ARHGEF1: variants seen among roughly 807,000 people sequenced by gnomAD.
ARHGEF1 encodes 115 kDa guanine nucleotide exchange factor.
Under a neutral mutation model 119.7 loss-of-function variants are expected in ARHGEF1, and 40 were observed. That is an observed-to-expected ratio of 0.33 (90% confidence interval 0.26 to 0.44). The LOEUF (loss-of-function observed/expected upper bound fraction) is 0.44, where lower values mean the gene tolerates loss of function less well. ARHGEF1 is among the 20% of genes least tolerant of loss of function. The pLI is 1.00. For missense variants in ARHGEF1, 976 were observed against 1,268.3 expected (o/e 0.77, Z 3.50); for synonymous variants, 494 against 521.0 (o/e 0.95, Z 0.71).
rs1555847072 is a variant in ARHGEF1, at chr19:41,894,460, A to T, written c.754A>T (p.Asn252Tyr). The change falls in exon 10 of 29, where the codon AAC becomes TAC. Residue 252 changes from asparagine (N) to tyrosine (Y), a missense_variant. Asn to Tyr is a moderately radical substitution (Grantham distance 143). Transcript: ENST00000354532. ...CCCCGCCCTCTCACAGGTGATGGGG[A>T]ACCGGCGGTCGGACGAGCCTGCCAA... is the stretch of plus-strand genomic sequence containing the variant. ...RNFFRKKVMG[N>Y]RRSDEPAKTK... is the part of the protein sequence containing the mutation. The T allele has an allele frequency of 6.4e-7, 1 of 1,561,834 alleles. No individual in the cohort carries two copies. The highest frequency in any genetic ancestry group is 1.2e-5 in the South Asian group (1 of 82,118).
downstream of ARHGEF1, chr19:41,908,796 C>T (rs1180251788): frequency 1.8e-5 from 9 of 504,266 alleles, no homozygotes; most frequent in Non-Finnish European, 2.8e-5. The surrounding 1 kb of genome is among the most constrained non-coding windows in gnomAD (Gnocchi z 6.7). Flanking sequence ...TGGCATCTTA[C>T]CCCCTCATAC....
chr19:41,895,218 G>T, intron 11 of ARHGEF1, 131 bp from the exon 12 acceptor site: 1 of 1,246,514 alleles, frequency 8.0e-7, no homozygotes, highest in Non-Finnish European at 1.1e-6. Flanking sequence ...AGGGCTCCTG[G>T]GTCTGAGGGA....
chr19:41,927,019 A>G (rs1175616452), intron 1 of ARHGEF1, among the ~76,000 whole-genome samples: 2 of 152,266 alleles, frequency 1.3e-5, no homozygotes, highest in East Asian at 3.9e-4. Context: ...GAAGAGACAC[A>G]GGGAGAGATA....
At position 41,894,292 on chromosome 19, in the gene ARHGEF1, T is replaced by C. The variant is rs1555847035; in HGVS notation, c.730T>C (p.Phe244Leu). The C allele has an allele frequency of 6.4e-7, 1 of 1,560,772 alleles. No homozygotes were observed. Among genetic ancestry groups the C allele is most frequent in the Non-Finnish European group, 8.7e-7 (1 of 1,148,734 alleles). Reference sequence around the variant, plus strand: ...TGGAGACAAGAAGTCGGGGAGGAACTTCTTCCGGAAAAAGGTGCTTCCCTC... The same window carrying C: ...TGGAGACAAGAAGTCGGGGAGGAACCTCTTCCGGAAAAAGGTGCTTCCCTC... ...KSGDKKSGRNFFRKKVMGNRR... is the reference protein window; with the variant it reads ...KSGDKKSGRNLFRKKVMGNRR... Residue 244 changes from phenylalanine (F) to leucine (L), a missense_variant, in exon 9 of 29, where the codon TTC (phenylalanine) becomes CTC (leucine). Phe to Leu is a conservative substitution (Grantham distance 22, BLOSUM62 0). Transcript: ENST00000354532.
chr19:41,894,314 C>T lies in ARHGEF1; in HGVS notation c.744+8C>T. ...AACTTCTTCCGGAAAAAGGTGCTTCCCTCAGTGCCCCGTCCTGACCCTTTC... is the reference window on the plus strand; with the variant it reads ...AACTTCTTCCGGAAAAAGGTGCTTCTCTCAGTGCCCCGTCCTGACCCTTTC... On this transcript the variant is annotated splice_region_variant and intron_variant, in intron 9 of 28. Transcript: ENST00000354532. The T allele has an allele frequency of 6.5e-7, 1 of 1,545,032 alleles. No homozygotes were observed. Among genetic ancestry groups the T allele is most frequent in the Non-Finnish European group, 8.8e-7 (1 of 1,140,948 alleles).
chr19:41,884,443 G>C, intron 1 of ARHGEF1: 1 of 1,605,118 alleles, frequency 6.2e-7, no homozygotes, highest in Non-Finnish European at 8.5e-7. Context: ...GCCCGAGCGC[G>C]GAGGCTTCGG....
intron 18 of ARHGEF1, among the ~76,000 whole-genome samples, chr19:41,915,056 C>A (rs1387330172): frequency 9.1e-6 from 1 of 109,524 alleles, no homozygotes; most frequent in Non-Finnish European, 1.9e-5. Flanking sequence ...CCCGCTCCCC[C>A]ACACCTCTCC....
chr19:41,909,517 G>C (rs1350122124), downstream of ARHGEF1: 2 of 1,241,902 alleles, frequency 1.6e-6, no homozygotes, highest in Non-Finnish European at 2.0e-6. This position sits in a 1 kb window ranked among gnomAD's most constrained non-coding sequence, Gnocchi z 5.2. Context: ...GGGAGCCCTG[G>C]GGCGGGATCT....
At chr19:41,915,295 G>A (rs138732381) in intron 18 of ARHGEF1, among the ~76,000 whole-genome samples, 1,647 of 151,400 alleles carry the variant, frequency 0.011, 20 homozygotes, top group Non-Finnish European at 0.014. Flanking sequence ...TCTCACACGC[G>A]TCTCTGCCAT....
At chr19:41,896,348 CAG>C in intron 12 of ARHGEF1, 27 bp from the exon 13 acceptor site, 2 of 1,265,116 alleles carry the variant, frequency 1.6e-6, no homozygotes, top group South Asian at 2.7e-5. Context: ...AGAGGCCTTC[CAG>C]CCAGCCCTGC....
chr19:41,884,407 G>A (rs2074261632), intron 1 of ARHGEF1: 1 of 1,595,758 alleles, frequency 6.3e-7, no homozygotes, highest in Non-Finnish European at 8.5e-7. Context: ...AGAGCGACGC[G>A]GCGGCAGGGG....
At chr19:41,925,359 G>C (rs559818883) in intron 1 of ARHGEF1, among the ~76,000 whole-genome samples, 1 of 152,228 alleles carries the variant, frequency 6.6e-6, no homozygotes, top group African/African-American at 2.4e-5. Context: ...GTACCTGAGG[G>C]ACAGGTGTGG....
rs2074249336 is a variant in ARHGEF1, at chr19:41,883,279, G to T, written c.-30G>T. 1 of 192,766 alleles carries T rather than the reference G, an allele frequency of 5.2e-6. No homozygotes were observed. Among genetic ancestry groups the T allele is most frequent in the South Asian group, 5.3e-5 (1 of 19,016 alleles). 11.9% of individuals were successfully genotyped at this position (192,766 alleles called of 1,614,324 possible). On this transcript the variant is annotated 5_prime_UTR_variant, in exon 1 of 29. Transcript: ENST00000354532. The surrounding 1 kb of genome is among the most constrained non-coding windows in gnomAD (Gnocchi z 7.6). ...CGGGCGCCCCGCCGGTCACCTCCGCGCGGACACCAGGTACTCGGTCCCCGG... is the reference window on the plus strand; with the variant it reads ...CGGGCGCCCCGCCGGTCACCTCCGCTCGGACACCAGGTACTCGGTCCCCGG...
rs372667637 is a variant in ARHGEF1 at position 41,915,728 on chromosome 19, G to T, written c.1866-7364G>T. Among the ~76,000 whole-genome samples the T allele has an allele frequency of 3.3e-5, 5 of 151,916 alleles. No individual in the cohort carries two copies. The East Asian group carries it at 5.8e-4, about 18-fold the overall frequency. On this transcript the variant is annotated intron_variant, in intron 18 of 20. Transcript: ENST00000599589. The stretch of plus-strand genomic sequence containing the variant: ...ATGTCTCTGTCTCTGTTTCTGTCCC[G>T]GTGTCCGTCTCTTGGGGTCCCTTTG...
Position 41,906,484 on chromosome 19 carries a change from C to CGGCGG in ARHGEF1, c.2520_2524dup (p.Glu842GlyfsTer23). 1.3e-6 allele frequency: 2 copies of CGGCGG among 1,576,594 alleles called. No homozygotes were observed. Among genetic ancestry groups the CGGCGG allele is most frequent in the Non-Finnish European group, 8.6e-7 (1 of 1,168,786 alleles). On this transcript the variant is annotated frameshift_variant, in exon 27 of 29. Coordinates refer to ENST00000354532, the MANE Select transcript of ARHGEF1 (RefSeq NM_004706.4). LOFTEE classifies it high-confidence loss of function. The surrounding 1 kb of genome is among the most constrained non-coding windows in gnomAD (Gnocchi z 4.5). ...CTGTCCCTGAAGCAGCTTCTGTTTCCGGCGGAGGAAGACAATGGGGCGGGG... is the reference window on the plus strand; with the variant it reads ...CTGTCCCTGAAGCAGCTTCTGTTTCCGGCGGGGCGGAGGAAGACAATGGGGCGGGG...
chr19:41,914,201 G>T (rs543341379), intron 18 of ARHGEF1, among the ~76,000 whole-genome samples: 1 of 140,478 alleles, frequency 7.1e-6, no homozygotes, highest in Admixed American at 7.1e-5. Flanking sequence ...AGCCTCCCCT[G>T]TCCCAGGCCC....
In ARHGEF1 at chr19:41,901,956, T is replaced by G; in HGVS notation, c.1337T>G (p.Met446Arg). 1 of 1,614,052 alleles carries G rather than the reference T, an allele frequency of 6.2e-7. No homozygotes were observed. Among genetic ancestry groups the G allele is most frequent in the Non-Finnish European group, 8.5e-7 (1 of 1,180,032 alleles). The change falls in exon 15 of 29, where the codon ATG (methionine) becomes AGG (arginine). Residue 446 changes from methionine to arginine, a missense_variant. Transcript: ENST00000354532. ...RVLHDLFFQP[M>R]AECLFFPLEE... ...CTGCACGACCTCTTCTTCCAGCCCA[T>G]GGCAGAATGCCTGTTCTTCCCCTTG... is the stretch of plus-strand genomic sequence containing the variant.
At position 41,905,287 on chromosome 19, in the gene ARHGEF1, G is replaced by A. The variant is rs2074671536; in HGVS notation, c.2336+26G>A. 1.3e-6 allele frequency: 2 copies of A among 1,588,982 alleles called. No individual in the cohort carries two copies. Among genetic ancestry groups the A allele is most frequent in the Non-Finnish European group, 1.7e-6 (2 of 1,167,572 alleles). ...GTGAGGGGGGCCATGGAGAGAGCTGGAGGTTCAGGGAGTGGGGCCGGAAGG... is the reference window on the plus strand; with the variant it reads ...GTGAGGGGGGCCATGGAGAGAGCTGAAGGTTCAGGGAGTGGGGCCGGAAGG... On this transcript the variant is annotated intron_variant, in intron 24 of 28. Transcript: ENST00000354532. The surrounding 1 kb of genome is among the most constrained non-coding windows in gnomAD (Gnocchi z 6.4).
chr19:41,883,485 G>T lies in ARHGEF1; in HGVS notation c.-20+196G>T, dbSNP rs1355310728. ...AAAGAGGGGAGAACTCACACTTGAC[G>T]AGTGCCCCATAGGTGGGGACGAACG... On this transcript the variant is annotated intron_variant, in intron 1 of 28. Transcript: ENST00000354532. This position sits in a 1 kb window ranked among gnomAD's most constrained non-coding sequence, Gnocchi z 7.6. Among the ~76,000 whole-genome samples, 1 of 152,192 alleles carries T rather than the reference G, an allele frequency of 6.6e-6. No individual in the cohort carries two copies. Among genetic ancestry groups the T allele is most frequent in the Non-Finnish European group, 1.5e-5 (1 of 68,044 alleles).
Sources: gnomAD v4.1 joint callset for allele counts (sites outside exome capture counted in the v4.1 genomes callset) on GRCh38, gnomAD v4.1.1 for gene constraint, Gnocchi (gnomAD v3.1) non-coding constraint, MANE v1.5 for transcripts, NCBI Gene and HGNC (gene_info 2026-07-23, HGNC 2026-07-21) for gene names.